The following CCDC91 variants were observed in gnomAD, a reference collection of about 807,000 sequenced individuals.
The protein encoded by CCDC91 is coiled-coil domain containing 91.
A neutral mutation model predicts 63.2 loss-of-function variants in CCDC91; 48 were observed. The observed-to-expected ratio is 0.76, with a 90% CI of 0.60 to 0.97. CCDC91 has a LOEUF of 0.97. Ranked by LOEUF, CCDC91 falls within the 50% of genes least tolerant of loss-of-function variation. The pLI is 0.00. For synonymous variants in CCDC91, 167 were observed against 165.8 expected (o/e 1.01, Z -0.06); for missense variants, 500 against 494.6 (o/e 1.01, Z -0.10).
chr12:28,519,974 G>T (rs1335577520), intron 12 of CCDC91, among the ~76,000 whole-genome samples: 1 of 152,030 alleles, frequency 6.6e-6, no homozygotes, highest in Admixed American at 6.6e-5. Flanking sequence ...GTCTATCATT[G>T]ATGGGCATTT....
At chr12:28,368,507 A>C (rs1003024301) in intron 7 of CCDC91, among the ~76,000 whole-genome samples, 4 of 152,166 alleles carry the variant, frequency 2.6e-5, no homozygotes, top group African/African-American at 9.7e-5. Context: ...TATGCAGTTG[A>C]TAATCTGCCT....
At chr12:28,315,240 C>T (rs1487140809) in intron 6 of CCDC91, among the ~76,000 whole-genome samples, 1 of 151,804 alleles carries the variant, frequency 6.6e-6, no homozygotes, top group East Asian at 1.9e-4. Flanking sequence ...TCTTGGCTCA[C>T]TGCAACTTCC....
rs1183386541 is a variant in CCDC91 at position 28,443,262 on chromosome 12, G to A, written c.763-6899G>A. On this transcript the variant is annotated intron_variant, in intron 8 of 12. Transcript: ENST00000536442. ...GCAAAAAAAAAAAAAAGAGAGTTAA[G>A]CAACATTTCTTAGTCTAGGATATAT... Among the ~76,000 whole-genome samples the A allele has an allele frequency of 4.7e-5, 7 of 149,320 alleles. No individual in the cohort carries two copies. The East Asian group carries it at 7.8e-4, about 17-fold the overall frequency.
chr12:28,515,217 G>A (rs1385318262), intron 12 of CCDC91, among the ~76,000 whole-genome samples: 1 of 151,718 alleles, frequency 6.6e-6, no homozygotes, highest in African/African-American at 2.4e-5. Flanking sequence ...TTCTTATGGG[G>A]GACTTCGGCA....
intron 8 of CCDC91, among the ~76,000 whole-genome samples, chr12:28,391,934 G>A (rs1315841000): frequency 6.6e-6 from 1 of 152,084 alleles, no homozygotes; most frequent in Non-Finnish European, 1.5e-5. Flanking sequence ...AATAATGTAT[G>A]TAAGAATTTC....
At chr12:28,477,264 T>G (rs1286410337) in intron 11 of CCDC91, among the ~76,000 whole-genome samples, 1 of 152,186 alleles carries the variant, frequency 6.6e-6, no homozygotes, top group Non-Finnish European at 1.5e-5. Flanking sequence ...TCAAAAAGCT[T>G]ATCCACCATG....
chr12:28,251,611 T>C (rs923142740), intron 1 of CCDC91, among the ~76,000 whole-genome samples: 14 of 152,056 alleles, frequency 9.2e-5, no homozygotes, highest in Admixed American at 4.6e-4. Context: ...GTCTTCTGTG[T>C]CCTCCATGCT....
At chr12:28,387,311 C>G (rs113184504) in intron 7 of CCDC91, among the ~76,000 whole-genome samples, 193 of 150,686 alleles carry the variant, frequency 1.3e-3, no homozygotes, top group Non-Finnish European at 2.4e-3. Context: ...CTTTTAATAC[C>G]CGACACCTGC....
intron 8 of CCDC91, among the ~76,000 whole-genome samples, chr12:28,428,110 C>T (rs776636827): frequency 1.8e-4 from 28 of 152,214 alleles, no homozygotes; most frequent in South Asian, 1.2e-3. Context: ...GATATAAGTA[C>T]TTAATATTCT....
chr12:28,369,313 T>C (rs1944466568), intron 7 of CCDC91, among the ~76,000 whole-genome samples: 1 of 152,178 alleles, frequency 6.6e-6, no homozygotes, highest in Non-Finnish European at 1.5e-5. Context: ...AGGCCCCATG[T>C]GAGTCTGAAA....
At chr12:28,198,494 T>G (rs1392496610) in intron 1 of CCDC91, among the ~76,000 whole-genome samples, 1 of 152,168 alleles carries the variant, frequency 6.6e-6, no homozygotes, top group Non-Finnish European at 1.5e-5. Flanking sequence ...TTGCCAAAAT[T>G]GGGCATGAAA....
intron 7 of CCDC91, among the ~76,000 whole-genome samples, chr12:28,386,646 C>T (rs1263346027): frequency 6.6e-6 from 1 of 152,132 alleles, no homozygotes; most frequent in Non-Finnish European, 1.5e-5. Flanking sequence ...GGATTACAGG[C>T]GTGAGCCACT....
intron 2 of CCDC91, among the ~76,000 whole-genome samples, chr12:28,257,863 A>G (rs1301377248): frequency 6.6e-6 from 1 of 151,610 alleles, no homozygotes; most frequent in Non-Finnish European, 1.5e-5. Context: ...CTTGCAGGAA[A>G]ATCTCTGGAT....
intron 11 of CCDC91, among the ~76,000 whole-genome samples, chr12:28,473,254 AT>A (rs1413546293): frequency 1.3e-5 from 2 of 152,176 alleles, no homozygotes; most frequent in Non-Finnish European, 2.9e-5. Flanking sequence ...CTGCTAAGCC[AT>A]TGGACTGCTG....
chr12:28,406,307 G>T (rs1303398503), intron 8 of CCDC91, among the ~76,000 whole-genome samples: 11 of 150,946 alleles, frequency 7.3e-5, no homozygotes, highest in Non-Finnish European at 3.0e-5. Context: ...CTCAATTTTT[G>T]AGAAAGTCGT....
chr12:28,498,015 T>G (rs1257206564), intron 12 of CCDC91, among the ~76,000 whole-genome samples: 1 of 151,574 alleles, frequency 6.6e-6, no homozygotes, highest in Non-Finnish European at 1.5e-5. Flanking sequence ...GCCATGGAAC[T>G]AAACAAACAT....
At chr12:28,512,416 C>T (rs1939472412) in intron 12 of CCDC91, among the ~76,000 whole-genome samples, 2 of 151,832 alleles carry the variant, frequency 1.3e-5, no homozygotes, top group Non-Finnish European at 2.9e-5. Context: ...ATGCCATTGA[C>T]TCTTTCAAGC....
At chr12:28,318,610 A>C (rs555921069) in intron 6 of CCDC91, among the ~76,000 whole-genome samples, 11 of 152,112 alleles carry the variant, frequency 7.2e-5, no homozygotes, top group African/African-American at 2.6e-4. Flanking sequence ...CTGACATTTT[A>C]GTCTCAAAAA....
chr12:28,490,085 G>A (rs1276154116), intron 12 of CCDC91, among the ~76,000 whole-genome samples: 1 of 151,826 alleles, frequency 6.6e-6, no homozygotes, highest in Non-Finnish European at 1.5e-5. Flanking sequence ...CATCATAGTA[G>A]TTACATTGTA....
Sources: gnomAD v4.1 joint callset for allele counts (sites outside exome capture counted in the v4.1 genomes callset) on GRCh38, gnomAD v4.1.1 for gene constraint, MANE v1.5 for transcripts, NCBI Gene and HGNC (gene_info 2026-07-23, HGNC 2026-07-21) for gene names.